The following SLC35F1 variants were observed in gnomAD, a reference collection of about 807,000 sequenced individuals.
SLC35F1 encodes the protein solute carrier family 35 member F1, also known as chromosome 6 open reading frame 169.
SLC35F1 carries 14 observed loss-of-function variants against 48.7 expected under a neutral mutation model. The observed-to-expected ratio is 0.29, with a 90% confidence interval of 0.19 to 0.45. SLC35F1 has a LOEUF of 0.45. Among genes scored for constraint, SLC35F1 ranks in the 20% least tolerant of loss-of-function variants. SLC35F1 has a pLI of 1.00. For missense variants in SLC35F1, 404 were observed against 500.0 expected (o/e 0.81, Z 1.83); for synonymous variants, 190 against 202.2 (o/e 0.94, Z 0.51).
intron 1 of SLC35F1, among the ~76,000 whole-genome samples, chr6:117,992,310 A>G (rs1003405007): frequency 5.3e-4 from 80 of 152,290 alleles, no homozygotes; most frequent in African/African-American, 1.9e-3. Context: ...ATGAAAAAGG[A>G]TGGTGTAAAA....
At chr6:118,304,598 G>T (rs1457559143) in intron 7 of SLC35F1, among the ~76,000 whole-genome samples, 1 of 152,080 alleles carries the variant, frequency 6.6e-6, no homozygotes, top group African/African-American at 2.4e-5. Context: ...TTTCAGAAAG[G>T]CATCTGAGGA....
intron 2 of SLC35F1, among the ~76,000 whole-genome samples, chr6:118,161,433 C>T (rs908197698): frequency 4.6e-5 from 7 of 152,158 alleles, no homozygotes; most frequent in African/African-American, 1.4e-4. Context: ...TGAGAAGGGA[C>T]TGTTATTAGC....
chr6:118,313,335 C>G, intron 7 of SLC35F1, among the ~76,000 whole-genome samples: 1 of 152,194 alleles, frequency 6.6e-6, no homozygotes, highest in East Asian at 1.9e-4. Flanking sequence ...TTGTGTAAAC[C>G]AGTATTTTCT....
intron 1 of SLC35F1, among the ~76,000 whole-genome samples, chr6:117,984,289 G>C (rs1402952526): frequency 6.6e-6 from 1 of 152,026 alleles, no homozygotes; most frequent in Non-Finnish European, 1.5e-5. Flanking sequence ...GGCAGATCAC[G>C]AGGTCAGGAG....
At chr6:118,085,814 T>C (rs1222978541) in intron 1 of SLC35F1, among the ~76,000 whole-genome samples, 1 of 152,182 alleles carries the variant, frequency 6.6e-6, no homozygotes, top group Non-Finnish European at 1.5e-5. Context: ...TGTGGAAATT[T>C]AAGCATTTGA....
At chr6:118,084,755 G>A (rs982058599) in intron 1 of SLC35F1, among the ~76,000 whole-genome samples, 32 of 151,952 alleles carry the variant, frequency 2.1e-4, no homozygotes, top group Admixed American at 1.2e-3. Flanking sequence ...GGCAGGGGTC[G>A]GAGGTGGACA....
intron 1 of SLC35F1, among the ~76,000 whole-genome samples, chr6:118,110,388 G>T (rs2114381284): frequency 6.6e-6 from 1 of 152,210 alleles, no homozygotes; most frequent in South Asian, 2.1e-4. Context: ...TTGACAAATT[G>T]CTGGAAGCTC....
chr6:118,187,346 C>T (rs1006588882), intron 2 of SLC35F1, among the ~76,000 whole-genome samples: 1 of 152,184 alleles, frequency 6.6e-6, no homozygotes. Flanking sequence ...TAATGCCAAG[C>T]CCCCTTCCCT....
chr6:117,945,485 T>C (rs1452820143), intron 1 of SLC35F1, among the ~76,000 whole-genome samples: 2 of 152,204 alleles, frequency 1.3e-5, no homozygotes, highest in Admixed American at 1.3e-4. Flanking sequence ...GAAGAGTAAC[T>C]CATATTATGG....
At chr6:118,082,726 A>C (rs1419922019) in intron 1 of SLC35F1, among the ~76,000 whole-genome samples, 3 of 152,196 alleles carry the variant, frequency 2.0e-5, no homozygotes, top group African/African-American at 7.2e-5. Flanking sequence ...ATTCTCAAGC[A>C]AGTTTTCTCC....
At chr6:118,276,481 A>C (rs1201505945) in intron 5 of SLC35F1, among the ~76,000 whole-genome samples, 2 of 152,332 alleles carry the variant, frequency 1.3e-5, no homozygotes, top group East Asian at 3.9e-4. Flanking sequence ...AGGTTTTACA[A>C]ATAGGCTGTT....
intron 1 of SLC35F1, among the ~76,000 whole-genome samples, chr6:118,149,576 A>T (rs1394169094): frequency 6.6e-6 from 1 of 152,174 alleles, no homozygotes; most frequent in Non-Finnish European, 1.5e-5. Flanking sequence ...TAGCTACAAT[A>T]TCTAGCTCCC....
chr6:118,001,199 A>G (rs541399496), intron 1 of SLC35F1, among the ~76,000 whole-genome samples: 53 of 152,348 alleles, frequency 3.5e-4, no homozygotes, highest in Admixed American at 3.1e-3. Flanking sequence ...ACTTCAAACT[A>G]TACTTCAAGG....
At chr6:118,126,903 G>A (rs1773634525) in intron 1 of SLC35F1, among the ~76,000 whole-genome samples, 1 of 152,052 alleles carries the variant, frequency 6.6e-6, no homozygotes, top group East Asian at 1.9e-4. Flanking sequence ...GGGTTTTCTA[G>A]ATATACAATC....
chr6:118,270,021 C>G (rs1775830890), intron 4 of SLC35F1, among the ~76,000 whole-genome samples: 1 of 152,176 alleles, frequency 6.6e-6, no homozygotes, highest in Non-Finnish European at 1.5e-5. Flanking sequence ...GAGCAAGACT[C>G]TACCTCAAGA....
intron 1 of SLC35F1, among the ~76,000 whole-genome samples, chr6:118,004,003 G>T (rs888727035): frequency 2.6e-5 from 4 of 152,164 alleles, no homozygotes; most frequent in African/African-American, 9.6e-5. Flanking sequence ...CAGGGATATT[G>T]TAAGACTCAA....
chr6:118,219,913 C>T (rs1775124004), intron 2 of SLC35F1, among the ~76,000 whole-genome samples: 1 of 152,050 alleles, frequency 6.6e-6, no homozygotes, highest in Admixed American at 6.6e-5. Flanking sequence ...CAAACTATCG[C>T]AGGGACAGAA....
chr6:118,103,228 AG>A (rs1392041923), intron 1 of SLC35F1, among the ~76,000 whole-genome samples: 1 of 151,838 alleles, frequency 6.6e-6, no homozygotes, highest in Non-Finnish European at 1.5e-5. Context: ...TCCTGCTTCG[AG>A]GATCCTATGA....
intron 1 of SLC35F1, among the ~76,000 whole-genome samples, chr6:118,005,317 TG>T (rs1179792374): frequency 6.6e-6 from 1 of 152,070 alleles, no homozygotes; most frequent in African/African-American, 2.4e-5. Context: ...CTCTAGAAAT[TG>T]TGGGGGCCAT....
Sources: gnomAD v4.1 joint callset for allele counts (sites outside exome capture counted in the v4.1 genomes callset) on GRCh38, gnomAD v4.1.1 for gene constraint, MANE v1.5 for transcripts, NCBI Gene and HGNC (gene_info 2026-07-23, HGNC 2026-07-21) for gene names.